Variants in KAZN observed in about 807,000 individuals in gnomAD.
The protein encoded by KAZN is kazrin.
In KAZN, 40 loss-of-function variants were observed where a neutral mutation model predicts 87.4. The ratio of observed to expected loss-of-function variants is 0.46; its 90% CI spans 0.36 to 0.60. The LOEUF (loss-of-function observed/expected upper bound fraction) is 0.60, where lower values mean the gene tolerates loss of function less well. KAZN is among the 20% of genes least tolerant of loss of function. KAZN has a pLI of 0.00. For synonymous variants in KAZN, 466 were observed against 458.3 expected, an observed-to-expected ratio of 1.02 and a Z score of -0.22; for missense variants, 898 against 1,073.9, an observed-to-expected ratio of 0.84 and a Z score of 2.29.
intron 2 of KAZN, among the ~76,000 whole-genome samples, chr1:14,435,018 C>T (rs141104198): frequency 2.6e-4 from 40 of 152,230 alleles, no homozygotes; most frequent in African/African-American, 6.7e-4. Flanking sequence ...GCAATCCCAC[C>T]ATCCTTACAC....
chr1:14,871,164 G>A (rs969398567), intron 1 of KAZN, among the ~76,000 whole-genome samples: 2 of 152,204 alleles, frequency 1.3e-5, no homozygotes, highest in African/African-American at 4.8e-5. Context: ...GCACCTATGT[G>A]CCCTCTTTAG....
rs193186533 is a variant in KAZN, at chr1:14,681,758, G to T, written c.226+82535G>T. On this transcript the variant is annotated intron_variant, in intron 1 of 14. Transcript: ENST00000376030. ...GTGGCGCAATCTTGGCTCACTGCAA[G>T]CTCCGCCTCCCGCCTCCCGGGAGGC... Among the ~76,000 whole-genome samples, 615 of 129,646 alleles carry T rather than the reference G, an allele frequency of 4.7e-3. 4 individuals carry two copies. Among genetic ancestry groups the T allele is most frequent in the African/African-American group, 0.017 (570 of 33,768 alleles). The allele number at this position is 129,646 out of a possible 152,430, so 85.1% of individuals were successfully genotyped here.
At chr1:14,371,068 A>G (rs1010966662) in intron 2 of KAZN, among the ~76,000 whole-genome samples, 1 of 152,178 alleles carries the variant, frequency 6.6e-6, no homozygotes, top group Non-Finnish European at 1.5e-5. Context: ...AAGAAGCTTG[A>G]GCCTCTAGCA....
chr1:14,516,879 T>G (rs1240997933), intron 2 of KAZN, among the ~76,000 whole-genome samples: 1 of 152,212 alleles, frequency 6.6e-6, no homozygotes, highest in Non-Finnish European at 1.5e-5. Context: ...GAAAAGGCAG[T>G]CAACAAAATG....
intron 1 of KAZN, among the ~76,000 whole-genome samples, chr1:14,615,725 C>T (rs987454788): frequency 7.2e-5 from 11 of 152,028 alleles, no homozygotes; most frequent in East Asian, 1.9e-4. Flanking sequence ...GCTGTGGCTT[C>T]GCCACCAGCC....
intron 1 of KAZN, among the ~76,000 whole-genome samples, chr1:14,060,711 C>A (rs888494176): frequency 2.6e-5 from 4 of 152,192 alleles, no homozygotes; most frequent in Non-Finnish European, 5.9e-5. Flanking sequence ...AGTGAGATTA[C>A]AGCATGTCCT....
intron 2 of KAZN, among the ~76,000 whole-genome samples, chr1:14,248,559 A>T (rs1473795716): frequency 6.6e-6 from 1 of 152,212 alleles, no homozygotes; most frequent in Non-Finnish European, 1.5e-5. Flanking sequence ...ATGGAGGTGG[A>T]ACTGCTACAG....
At chr1:13,940,437 T>C (rs1263406737) in intron 1 of KAZN, among the ~76,000 whole-genome samples, 2 of 152,250 alleles carry the variant, frequency 1.3e-5, no homozygotes, top group Non-Finnish European at 2.9e-5. Flanking sequence ...GAGATGCTCA[T>C]AGTAGTCTCT....
intron 2 of KAZN, among the ~76,000 whole-genome samples, chr1:14,235,361 T>C (rs956778796): frequency 1.3e-5 from 2 of 152,224 alleles, no homozygotes; most frequent in African/African-American, 4.8e-5. Context: ...AAGCAAGTCA[T>C]ATAAAGCCAC....
Position 15,060,486 on chromosome 1 carries a change from A to G in KAZN, c.1047+184A>G, listed in dbSNP as rs1191886596. On this transcript the variant is annotated intron_variant, in intron 6 of 14. Coordinates refer to ENST00000376030, the MANE Select transcript of KAZN (RefSeq NM_201628.3). Reference sequence around the variant, plus strand: ...GCGATGGATGTGGGGAGAAAAAGGAATGAGGCCCGTTTGCTCCTTGTGTCC... The same window carrying G: ...GCGATGGATGTGGGGAGAAAAAGGAGTGAGGCCCGTTTGCTCCTTGTGTCC... The G allele has an allele frequency of 3.7e-6, 3 of 810,212 alleles. No individual in the cohort carries two copies. In the Admixed American group the frequency reaches 8.5e-5, roughly 23 times the overall value. The allele number at this position is 810,212 out of a possible 1,614,324, so 50.2% of individuals were successfully genotyped here.
intron 2 of KAZN, among the ~76,000 whole-genome samples, chr1:14,419,970 T>C (rs971723332): frequency 6.6e-6 from 1 of 152,140 alleles, no homozygotes; most frequent in African/African-American, 2.4e-5. Context: ...ATTAGGGGAT[T>C]GCCACTCCCG....
intron 2 of KAZN, among the ~76,000 whole-genome samples, chr1:14,302,744 C>G (rs1654639661): frequency 6.6e-6 from 1 of 152,092 alleles, no homozygotes; most frequent in African/African-American, 2.4e-5. Context: ...CTCATAGGTG[C>G]TTTTATGGGG....
At chr1:14,657,348 G>C (rs1240967187) in intron 1 of KAZN, among the ~76,000 whole-genome samples, 1 of 152,208 alleles carries the variant, frequency 6.6e-6, no homozygotes, top group Non-Finnish European at 1.5e-5. Context: ...CTCCCAGAGT[G>C]CTGGGATTAT....
chr1:14,448,297 G>T (rs1231075978), intron 2 of KAZN, among the ~76,000 whole-genome samples: 1 of 152,214 alleles, frequency 6.6e-6, no homozygotes, highest in African/African-American at 2.4e-5. Context: ...CAAAGCCCAG[G>T]TATAAGGCAC....
intron 2 of KAZN, among the ~76,000 whole-genome samples, chr1:14,285,636 T>C (rs1653187335): frequency 6.6e-6 from 1 of 152,258 alleles, no homozygotes; most frequent in Admixed American, 6.5e-5. Context: ...CCTGGCTCCT[T>C]GGATGTGACC....
At chr1:14,582,922 A>G (rs143030913) in intron 2 of KAZN, among the ~76,000 whole-genome samples, 1,858 of 152,304 alleles carry the variant, frequency 0.012, 17 homozygotes, top group Non-Finnish European at 0.021. Context: ...CCACTAGACC[A>G]TGAGCACCGT....
chr1:14,921,188 A>ACAC (rs1658480244), intron 1 of KAZN, among the ~76,000 whole-genome samples: 2 of 150,332 alleles, frequency 1.3e-5, no homozygotes, highest in African/African-American at 4.9e-5. Flanking sequence ...ACACACACAC[A>ACAC]TTCACACAGA....
At chr1:14,053,104 C>T (rs990367337) in intron 1 of KAZN, among the ~76,000 whole-genome samples, 10 of 152,242 alleles carry the variant, frequency 6.6e-5, no homozygotes, top group Non-Finnish European at 8.8e-5. Context: ...GCAGTGGTCA[C>T]GGGATCTTAC....
rs188995041 is a variant in KAZN at position 14,637,314 on chromosome 1, G to A, written c.226+38091G>A. ...CTTTACTGAGAGCCTTCTAGATGCC[G>A]GGCACTGAGCTGAGTTCTTTGCTTA... On this transcript the variant is annotated intron_variant, in intron 1 of 14. Transcript: ENST00000376030. Among the ~76,000 whole-genome samples, 408 of 152,228 alleles carry A rather than the reference G, an allele frequency of 2.7e-3. 1 individual carries two copies. The highest frequency in any genetic ancestry group is 8.6e-3 in the African/African-American group (356 of 41,510).
Sources: allele counts gnomAD v4.1 joint callset (sites outside exome capture counted in the v4.1 genomes callset), GRCh38; gene constraint gnomAD v4.1.1; transcripts MANE v1.5; gene names NCBI Gene and HGNC (gene_info 2026-07-23, HGNC 2026-07-21).